The following EML4 variants were observed in gnomAD, a reference collection of about 807,000 sequenced individuals.
The protein encoded by EML4 is echinoderm microtubule-associated protein-like 4.
Under a neutral mutation model 129.0 loss-of-function variants are expected in EML4, and 72 were observed. The observed-to-expected ratio is 0.56, with a 90% CI of 0.46 to 0.68. EML4 has a LOEUF of 0.68. Ranked by LOEUF, EML4 falls within the 30% of genes least tolerant of loss-of-function variation. The pLI, the probability that EML4 is intolerant of heterozygous loss-of-function variation, is 0.00. For missense variants in EML4, 1,363 were observed against 1,190.6 expected, an observed-to-expected ratio of 1.14 and a Z score of -2.13; for synonymous variants, 532 against 405.0, an observed-to-expected ratio of 1.31 and a Z score of -3.77.
intron 1 of EML4, among the ~76,000 whole-genome samples, chr2:42,177,180 A>T (rs192981692): frequency 1.2e-4 from 19 of 152,164 alleles, no homozygotes; most frequent in Non-Finnish European, 5.9e-5. Flanking sequence ...AGATTTCATG[A>T]TCCAGTAAAA....
chr2:42,277,903 C>G (rs1042325181), intron 6 of EML4, among the ~76,000 whole-genome samples: 22 of 152,206 alleles, frequency 1.4e-4, no homozygotes, highest in Non-Finnish European at 2.9e-5. Context: ...GAAATACTTG[C>G]AGACATTCAA....
At position 42,261,304 on chromosome 2, in the gene EML4, G is replaced by A. The variant is rs146741159; in HGVS notation, c.512+10G>A. On this transcript the variant is annotated intron_variant, in intron 4 of 22. Coordinates refer to ENST00000318522, the MANE Select transcript of EML4 (RefSeq NM_019063.5). ...CTACTCCCACCAAAAGGTTTTAACTGTCCCCAAGTACAGAGCTAGGGAATG... is the reference window on the plus strand; with the variant it reads ...CTACTCCCACCAAAAGGTTTTAACTATCCCCAAGTACAGAGCTAGGGAATG... 98 of 1,608,186 alleles carry A rather than the reference G, an allele frequency of 6.1e-5. No individual in the cohort carries two copies. In the Middle Eastern group the frequency reaches 8.3e-4, roughly 14 times the overall value.
chr2:42,196,234 TAATG>T (rs1179730458), intron 1 of EML4, among the ~76,000 whole-genome samples: 1 of 152,222 alleles, frequency 6.6e-6, no homozygotes, highest in Admixed American at 6.5e-5. Context: ...ATTCATTTAT[TAATG>T]AATTTGGATA....
At chr2:42,248,817 G>T (rs1009161733) in intron 2 of EML4, among the ~76,000 whole-genome samples, 5 of 151,978 alleles carry the variant, frequency 3.3e-5, no homozygotes, top group Non-Finnish European at 7.4e-5. Flanking sequence ...TGGTTTGATG[G>T]GGGTATTGAT....
At position 42,245,616 on chromosome 2, in the gene EML4, C is replaced by T. The variant is rs759811335; in HGVS notation, c.137C>T (p.Ala46Val). 6.2e-7 allele frequency: 1 copy of T among 1,613,726 alleles called. No individual in the cohort carries two copies. The highest frequency in any genetic ancestry group is 8.5e-7 in the Non-Finnish European group (1 of 1,179,800). ...DEITVLKAAL[A>V]DVLRRLAISE... ...ATCACTGTGCTAAAGGCGGCTTTGG[C>T]TGATGTTTTGAGGCGTCTTGCAATC... The change falls in exon 2 of 23, where the codon GCT (alanine) becomes GTT (valine). Residue 46 changes from alanine (A) to valine (V), a missense_variant. Ala to Val is a moderately conservative substitution (Grantham distance 64). Coordinates refer to ENST00000318522, the MANE Select transcript of EML4 (RefSeq NM_019063.5).
At chr2:42,187,558 T>C (rs1671333397) in intron 1 of EML4, among the ~76,000 whole-genome samples, 1 of 152,238 alleles carries the variant, frequency 6.6e-6, no homozygotes, top group Admixed American at 6.5e-5. Flanking sequence ...GCTATTAGTT[T>C]TGGCTGTTAC....
intron 6 of EML4, among the ~76,000 whole-genome samples, chr2:42,275,584 A>AT (rs1476709259): frequency 1.3e-5 from 2 of 152,198 alleles, no homozygotes; most frequent in East Asian, 3.8e-4. Flanking sequence ...ATCCTACAGA[A>AT]TTTCTTCTTT....
intron 19 of EML4, among the ~76,000 whole-genome samples, chr2:42,318,398 C>A (rs1391040571): frequency 6.6e-6 from 1 of 152,098 alleles, no homozygotes; most frequent in Non-Finnish European, 1.5e-5. Flanking sequence ...AAAAACTAGG[C>A]CATGTACTAT....
chr2:42,237,155 G>A (rs545038678), intron 1 of EML4, among the ~76,000 whole-genome samples: 40 of 152,038 alleles, frequency 2.6e-4, no homozygotes, highest in East Asian at 2.1e-3. Flanking sequence ...GGCTGGTCTC[G>A]AACTCCTGAA....
At chr2:42,315,097 CA>C (rs780016930) in intron 17 of EML4, among the ~76,000 whole-genome samples, 2 of 151,670 alleles carry the variant, frequency 1.3e-5, no homozygotes, top group African/African-American at 2.4e-5. Context: ...TGTTCCCTCA[CA>C]CCTTCATATT....
intron 1 of EML4, among the ~76,000 whole-genome samples, chr2:42,173,874 G>T (rs1670420539): frequency 6.6e-6 from 1 of 152,108 alleles, no homozygotes; most frequent in African/African-American, 2.4e-5. Flanking sequence ...AGTATGTACT[G>T]TATGTAGAGA....
chr2:42,272,785 C>A (rs1243680054), intron 6 of EML4, among the ~76,000 whole-genome samples: 1 of 152,128 alleles, frequency 6.6e-6, no homozygotes, highest in Non-Finnish European at 1.5e-5. Flanking sequence ...CTAATGAAGT[C>A]ATATACTTGA....
intron 1 of EML4, among the ~76,000 whole-genome samples, chr2:42,233,457 C>T (rs1197220633): frequency 3.3e-5 from 5 of 151,928 alleles, no homozygotes; most frequent in African/African-American, 9.7e-5. Flanking sequence ...AGGCACCCGC[C>T]ACCATGCCCA....
At chr2:42,320,228 C>T (rs1466449569) in intron 19 of EML4, among the ~76,000 whole-genome samples, 1 of 152,008 alleles carries the variant, frequency 6.6e-6, no homozygotes. Context: ...ATTACTCACA[C>T]CTGTAATCCC....
At chr2:42,297,627 A>G (rs1301707015) in intron 13 of EML4, among the ~76,000 whole-genome samples, 1 of 152,124 alleles carries the variant, frequency 6.6e-6, no homozygotes, top group Non-Finnish European at 1.5e-5. Context: ...AAATAAATGG[A>G]AGTCCAGACC....
intron 17 of EML4, among the ~76,000 whole-genome samples, chr2:42,310,379 C>G (rs1369905620): frequency 6.6e-6 from 1 of 151,362 alleles, no homozygotes; most frequent in Non-Finnish European, 1.5e-5. Flanking sequence ...GAGTCTTGCT[C>G]TGTCTCCCAG....
intron 1 of EML4, among the ~76,000 whole-genome samples, chr2:42,223,239 A>G (rs570311817): frequency 6.6e-6 from 1 of 152,258 alleles, no homozygotes; most frequent in South Asian, 2.1e-4. Context: ...GTGTCAAAGC[A>G]TGTGTATTTT....
At chr2:42,217,426 A>G (rs1256273781) in intron 1 of EML4, among the ~76,000 whole-genome samples, 1 of 152,120 alleles carries the variant, frequency 6.6e-6, no homozygotes, top group Non-Finnish European at 1.5e-5. Context: ...CACATTCTTC[A>G]TGTTATAGAT....
intron 1 of EML4, among the ~76,000 whole-genome samples, chr2:42,170,575 G>T (rs748805915): frequency 2.0e-5 from 3 of 152,202 alleles, no homozygotes; most frequent in Non-Finnish European, 4.4e-5. Context: ...CTCCAGGCTA[G>T]TATTCGCTGC....
Sources: gnomAD v4.1 joint callset for allele counts (sites outside exome capture counted in the v4.1 genomes callset) on GRCh38, gnomAD v4.1.1 for gene constraint, MANE v1.5 for transcripts, NCBI Gene and HGNC (gene_info 2026-07-23, HGNC 2026-07-21) for gene names.